MVP: variants seen among roughly 807,000 people sequenced by gnomAD.
MVP encodes the protein lung resistance-related protein.
MVP carries 62 observed loss-of-function variants against 83.5 expected under a neutral mutation model. The ratio of observed to expected loss-of-function variants is 0.74; its 90% CI spans 0.61 to 0.92. The LOEUF (loss-of-function observed/expected upper bound fraction) is 0.92. Among genes scored for constraint, MVP ranks in the 40% least tolerant of loss-of-function variants. The pLI, the probability that MVP is intolerant of heterozygous loss-of-function variation, is 0.00. For synonymous variants in MVP, 505 were observed against 504.1 expected (o/e 1.00, Z -0.02); for missense variants, 1,000 against 1,203.4 (o/e 0.83, Z 2.50).
rs370882530 is a variant in MVP at position 29,847,968 on chromosome 16, C to T, written c.2661C>T (p.His887=). 3.5e-5 allele frequency: 57 copies of T among 1,609,126 alleles called. No homozygotes were observed. In the Admixed American group the frequency reaches 4.2e-4, roughly 12 times the overall value. The change falls in exon 15 of 15, where the codon CAC becomes CAT. Residue 887 remains histidine, a synonymous_variant. Coordinates refer to ENST00000357402, the MANE Select transcript of MVP (RefSeq NM_005115.5). ...AQAPQAPGDN[H]VVPVLR ...CCCCTCAAGCTCCTGGAGACAACCA[C>T]GTGGTGCCTGTACTGCGCTAACTCC... is the stretch of plus-strand genomic sequence containing the variant.
Position 29,840,594 on chromosome 16 carries a change from G to A in MVP, c.1191+135G>A, listed in dbSNP as rs1018358966. 6 of 1,040,904 alleles carry A rather than the reference G, an allele frequency of 5.8e-6. No homozygotes were observed. In the African/African-American group the frequency reaches 8.1e-5, roughly 14 times the overall value. The allele number at this position is 1,040,904 out of a possible 1,614,324, so 64.5% of individuals were successfully genotyped here. On this transcript the variant is annotated intron_variant, in intron 8 of 14. Transcript: ENST00000357402. ...ATATCAGGTGGGCTGTCTGGTTGGGGGAGGGCACTACGTGGAGTGTTTGCC... is the reference window on the plus strand; with the variant it reads ...ATATCAGGTGGGCTGTCTGGTTGGGAGAGGGCACTACGTGGAGTGTTTGCC...
chr16:29,821,585 G>C (rs1440003342), intron 1 of MVP, among the ~76,000 whole-genome samples: 4 of 152,200 alleles, frequency 2.6e-5, no homozygotes, highest in South Asian at 4.1e-4. Flanking sequence ...CCCCACCCAG[G>C]TCCTCTAGTT....
chr16:29,822,588 C>G (rs2067371457), intron 1 of MVP: 1 of 152,186 alleles, frequency 6.6e-6, no homozygotes, highest in Non-Finnish European at 1.5e-5. Context: ...ACCGACCTTA[C>G]GTCCAACCTC....
intron 6 of MVP, 105 bp from the exon 7 acceptor site, chr16:29,836,617 T>A: frequency 1.2e-6 from 1 of 854,848 alleles, no homozygotes; most frequent in Non-Finnish European, 1.8e-6. Flanking sequence ...GTAGAAATTG[T>A]CTCTGAGATC....
chr16:29,847,282 C>T lies in MVP; in HGVS notation c.2351C>T (p.Ala784Val). Residue 784 changes from alanine (A) to valine (V), a missense_variant, in exon 14 of 15, where the codon GCT becomes GTT. Physicochemically the swap from Ala to Val is moderately conservative, Grantham distance 64. Transcript: ENST00000357402. ...RAQLELEVSKAQQLAEVEVKK... is the reference protein window; with the variant it reads ...RAQLELEVSKVQQLAEVEVKK... Reference sequence around the variant, plus strand: ...CAGCTGGAGCTGGAGGTGAGCAAGGCTCAGCAGCTGGCTGAGGTGGAGGTG... The same window carrying T: ...CAGCTGGAGCTGGAGGTGAGCAAGGTTCAGCAGCTGGCTGAGGTGGAGGTG... 6.2e-7 allele frequency: 1 copy of T among 1,613,296 alleles called. No homozygotes were observed.
intron 10 of MVP, among the ~76,000 whole-genome samples, chr16:29,843,090 C>T (rs1467610953): frequency 2.0e-5 from 3 of 152,218 alleles, no homozygotes; most frequent in Admixed American, 6.5e-5. Flanking sequence ...ACAGCATTTT[C>T]TCCTTCACAA....
chr16:29,831,024 G>C lies in MVP; in HGVS notation c.272G>C (p.Arg91Pro), dbSNP rs137950833. The C allele has an allele frequency of 1.9e-6, 3 of 1,613,672 alleles. No individual in the cohort carries two copies. Among genetic ancestry groups the C allele is most frequent in the Non-Finnish European group, 2.5e-6 (3 of 1,179,996 alleles). Residue 91 changes from arginine to proline, a missense_variant, in exon 3 of 15, where the codon CGG (arginine) becomes CCG (proline). Coordinates refer to ENST00000357402, the MANE Select transcript of MVP (RefSeq NM_005115.5). The stretch of plus-strand genomic sequence containing the variant: ...CTTCGCCACGCTGACCTCGAGATCC[G>C]GCTGGCCCAGGACCCCTTCCCCCTG... ...VRLRHADLEI[R>P]LAQDPFPLYP...
rs1361124857 is a variant in MVP, at chr16:29,841,568, C to T, written c.1192-28C>T. The T allele has an allele frequency of 6.5e-7, 1 of 1,549,308 alleles. No individual in the cohort carries two copies. Among genetic ancestry groups the T allele is most frequent in the African/African-American group, 1.4e-5 (1 of 73,094 alleles). On this transcript the variant is annotated intron_variant, in intron 8 of 14. Coordinates refer to ENST00000357402, the MANE Select transcript of MVP (RefSeq NM_005115.5). This position sits in a 1 kb window ranked among gnomAD's most constrained non-coding sequence, Gnocchi z 4.7. ...TCTTCCTCCCTTCCACCCTTACGGG[C>T]AGCTTCCCTCCCTGTCCTCGTCCCA...
intron 10 of MVP, among the ~76,000 whole-genome samples, chr16:29,843,059 C>T (rs1238247623): frequency 1.3e-5 from 2 of 152,176 alleles, no homozygotes; most frequent in African/African-American, 4.8e-5. Flanking sequence ...CCTCAGTTTC[C>T]CCATCTGTAA....
chr16:29,840,605 C>G, intron 8 of MVP, 146 bp downstream of exon 8: 1 of 930,588 alleles, frequency 1.1e-6, no homozygotes, highest in Non-Finnish European at 1.6e-6. Context: ...GAGGGCACTA[C>G]GTGGAGTGTT....
In MVP at chr16:29,841,538, G is replaced by A; in HGVS notation, c.1192-58G>A. ...ATGGGCTCTGCTTTGGGACAGCTGG[G>A]CGGATCTTCCTCCCTTCCACCCTTA... On this transcript the variant is annotated intron_variant, in intron 8 of 14. Transcript: ENST00000357402. The surrounding 1 kb of genome is among the most constrained non-coding windows in gnomAD (Gnocchi z 4.7). The A allele has an allele frequency of 6.6e-7, 1 of 1,520,308 alleles. No individual in the cohort carries two copies. The highest frequency in any genetic ancestry group is 1.3e-5 in the South Asian group (1 of 75,994). 94.2% of individuals were successfully genotyped at this position (1,520,308 alleles called of 1,614,324 possible). A position where few individuals can be genotyped will look rare whatever the true frequency, so the allele number is the denominator to read the frequency against.
At chr16:29,827,025 G>C (rs1034744467) in intron 1 of MVP, among the ~76,000 whole-genome samples, 1 of 152,042 alleles carries the variant, frequency 6.6e-6, no homozygotes, top group Non-Finnish European at 1.5e-5. Context: ...GGAGCAACTG[G>C]GGGGTGGAAT....
intron 3 of MVP, chr16:29,833,422 G>A (rs1452270027): frequency 1.1e-5 from 3 of 275,462 alleles, no homozygotes; most frequent in Admixed American, 5.0e-5. Context: ...TCAGCCTCCC[G>A]AGTAGCTGGG....
intron 1 of MVP, among the ~76,000 whole-genome samples, 182 bp downstream of exon 1, chr16:29,820,692 T>C (rs1023018174): frequency 6.6e-6 from 1 of 152,128 alleles, no homozygotes; most frequent in African/African-American, 2.4e-5. Flanking sequence ...GGTTTCACTT[T>C]CCAATAGTTG....
At chr16:29,830,095 C>G (rs1435379888) in intron 1 of MVP, 1 of 161,012 alleles carries the variant, frequency 6.2e-6, no homozygotes, top group African/African-American at 2.4e-5. Context: ...GAGCAGCTGC[C>G]CATTGCGTGC....
intron 7 of MVP, among the ~76,000 whole-genome samples, chr16:29,837,219 A>G (rs2067495400): frequency 6.6e-6 from 1 of 152,218 alleles, no homozygotes; most frequent in African/African-American, 2.4e-5. Flanking sequence ...ACTCTGATAC[A>G]GTCATGCGCC....
At position 29,844,506 on chromosome 16, in the gene MVP, A is replaced by G; in HGVS notation, c.1648A>G (p.Asn550Asp). ...QLAYNWHFEVNDRKDPQETAK... is the reference protein window; with the variant it reads ...QLAYNWHFEVDDRKDPQETAK... ...GTTTGTTCACAGGCACTTTGAGGTGAATGACCGGAAGGACCCCCAAGAGAC... is the reference window on the plus strand; with the variant it reads ...GTTTGTTCACAGGCACTTTGAGGTGGATGACCGGAAGGACCCCCAAGAGAC... The change falls in exon 11 of 15, where the codon AAT becomes GAT. Residue 550 changes from asparagine (N) to aspartate (D), a missense_variant. By Grantham distance (23) the Asn-to-Asp change is conservative. Coordinates refer to ENST00000357402, the MANE Select transcript of MVP (RefSeq NM_005115.5). 6.5e-7 allele frequency: 1 copy of G among 1,539,146 alleles called. No individual in the cohort carries two copies. The highest frequency in any genetic ancestry group is 8.7e-7 in the Non-Finnish European group (1 of 1,143,744).
At chr16:29,839,783 C>CAAAAAAA (rs71373206) in intron 7 of MVP, among the ~76,000 whole-genome samples, 7 of 47,350 alleles carry the variant, frequency 1.5e-4, no homozygotes, top group Admixed American at 3.3e-4. Flanking sequence ...AAGACTATCT[C>CAAAAAAA]AAAAAAAAAA....
chr16:29,831,095 T>C, intron 3 of MVP, 22 bp downstream of exon 3: 4 of 1,601,302 alleles, frequency 2.5e-6, no homozygotes, highest in Non-Finnish European at 3.4e-6. Flanking sequence ...CCTCACTCCC[T>C]ATGCCCCACC....
Sources: gnomAD v4.1 joint callset for allele counts (sites outside exome capture counted in the v4.1 genomes callset) on GRCh38, gnomAD v4.1.1 for gene constraint, Gnocchi (gnomAD v3.1) non-coding constraint, MANE v1.5 for transcripts, NCBI Gene and HGNC (gene_info 2026-07-23, HGNC 2026-07-21) for gene names.